NOS1AP: variants seen among roughly 807,000 people sequenced by gnomAD.
The protein encoded by NOS1AP is carboxyl-terminal PDZ ligand of neuronal nitric oxide synthase protein.
NOS1AP carries 21 observed loss-of-function variants against 56.2 expected under a neutral mutation model. That is an observed-to-expected ratio of 0.37 (90% CI 0.26 to 0.54). NOS1AP has a LOEUF of 0.54. NOS1AP is among the 20% of genes least tolerant of loss of function. The probability of loss-of-function intolerance (pLI) is 0.84; values close to 1 mark genes in which losing one functional copy is unlikely to be tolerated. For synonymous variants in NOS1AP, 270 were observed against 274.6 expected, an observed-to-expected ratio of 0.98 and a Z score of 0.17; for missense variants, 522 against 657.8, an observed-to-expected ratio of 0.79 and a Z score of 2.26.
intron 8 of NOS1AP, chr1:162,360,765 C>T (rs1404553818): frequency 4.4e-6 from 2 of 455,730 alleles, no homozygotes; most frequent in Non-Finnish European, 8.8e-6. Context: ...AAGTCCCTGC[C>T]ATGTGCATGC....
intron 1 of NOS1AP, among the ~76,000 whole-genome samples, chr1:162,100,456 C>T (rs1412838964): frequency 6.6e-6 from 1 of 152,136 alleles, no homozygotes; most frequent in African/African-American, 2.4e-5. Flanking sequence ...TGTTCATATC[C>T]CTCACCCACT....
intron 2 of NOS1AP, among the ~76,000 whole-genome samples, chr1:162,164,690 G>C (rs1239763435): frequency 6.6e-6 from 1 of 152,162 alleles, no homozygotes; most frequent in African/African-American, 2.4e-5. Context: ...TGTATCAAAA[G>C]TTTATTCCTT....
chr1:162,326,108 AAAG>A (rs1396818742), intron 4 of NOS1AP, among the ~76,000 whole-genome samples: 8 of 152,350 alleles, frequency 5.3e-5, no homozygotes, highest in South Asian at 4.1e-4. Context: ...AACGATTAAA[AAAG>A]AAGAAGGTTG....
Position 162,287,375 on chromosome 1 carries a change from A to C in NOS1AP, c.209A>C (p.Lys70Thr). The change falls in exon 3 of 10, where the codon AAG becomes ACG. Residue 70 changes from lysine to threonine, a missense_variant. By Grantham distance (78) the Lys-to-Thr change is moderately conservative. Around this residue, in one of 4 missense-constraint regions of NOS1AP, gnomAD observed 132 missense variants for 218.1 expected, o/e 0.61. Coordinates refer to ENST00000361897, the MANE Select transcript of NOS1AP (RefSeq NM_014697.3). Reference protein sequence around the residue: ...YEFKAKNIKKKKVSIMVSVDG... With the variant: ...YEFKAKNIKKTKVSIMVSVDG... ...TTTAAAGCCAAGAACATCAAGAAGA[A>C]GAAAGTGAGCATTATGGTTTCAGTG... The C allele has an allele frequency of 6.2e-7, 1 of 1,613,452 alleles. No individual in the cohort carries two copies. Among genetic ancestry groups the C allele is most frequent in the Non-Finnish European group, 8.5e-7 (1 of 1,179,506 alleles).
intron 2 of NOS1AP, among the ~76,000 whole-genome samples, chr1:162,233,887 C>G (rs936820135): frequency 6.6e-6 from 1 of 152,220 alleles, no homozygotes; most frequent in Non-Finnish European, 1.5e-5. Flanking sequence ...AGATCTGACT[C>G]TGGCACCTTG....
chr1:162,297,642 C>T (rs1263064575), intron 3 of NOS1AP, among the ~76,000 whole-genome samples: 1 of 152,020 alleles, frequency 6.6e-6, no homozygotes, highest in East Asian at 1.9e-4. Context: ...GATTATGGGG[C>T]GTCACCTCTG....
rs41405649 is a variant in NOS1AP, at chr1:162,357,014, T to C, written c.817T>C (p.Ser273Pro). 8 of 1,612,986 alleles carry C rather than the reference T, an allele frequency of 5.0e-6. No homozygotes were observed. The highest frequency in any genetic ancestry group is 3.3e-4 in the Middle Eastern group (2 of 6,082). ...AGCCTCACCCAGGATGCTGCTCCCTTCTTCTTCCTCGAAGCCTCCAGGCCT... is the reference window on the plus strand; with the variant it reads ...AGCCTCACCCAGGATGCTGCTCCCTCCTTCTTCCTCGAAGCCTCCAGGCCT... ...LTASPRMLLP[S>P]SSSKPPGLGT... Residue 273 changes from serine (S) to proline (P), a missense_variant, in exon 8 of 10, where the codon TCT becomes CCT. Physicochemically the swap from Ser to Pro is moderately conservative, Grantham distance 74 (BLOSUM62 -1). Coordinates refer to ENST00000361897, the MANE Select transcript of NOS1AP (RefSeq NM_014697.3).
intron 5 of NOS1AP, chr1:162,342,477 A>T: frequency 4.3e-6 from 2 of 469,592 alleles, no homozygotes; most frequent in South Asian, 3.1e-5. Context: ...TAGAAGTTAT[A>T]CCCAGCAGAG....
intron 5 of NOS1AP, among the ~76,000 whole-genome samples, chr1:162,343,617 T>C (rs1475893407): frequency 6.6e-6 from 1 of 152,272 alleles, no homozygotes; most frequent in African/African-American, 2.4e-5. Context: ...ATATTTGCTA[T>C]CTGTCCTTTC....
At chr1:162,153,515 A>G (rs1344070408) in intron 1 of NOS1AP, among the ~76,000 whole-genome samples, 1 of 152,246 alleles carries the variant, frequency 6.6e-6, no homozygotes, top group East Asian at 1.9e-4. Context: ...AAACTTGGCT[A>G]GATGAAAAGT....
chr1:162,149,237 G>A (rs1246505739), intron 1 of NOS1AP, among the ~76,000 whole-genome samples: 1 of 152,216 alleles, frequency 6.6e-6, no homozygotes, highest in African/African-American at 2.4e-5. Context: ...CAGGGAATTG[G>A]TGTTGCCTGA....
At chr1:162,233,873 T>A (rs1468877767) in intron 2 of NOS1AP, among the ~76,000 whole-genome samples, 1 of 152,214 alleles carries the variant, frequency 6.6e-6, no homozygotes, top group East Asian at 1.9e-4. Flanking sequence ...TACTTTGGGA[T>A]TGGAGATCTG....
At chr1:162,228,642 C>T (rs1363983482) in intron 2 of NOS1AP, among the ~76,000 whole-genome samples, 1 of 152,212 alleles carries the variant, frequency 6.6e-6, no homozygotes, top group Non-Finnish European at 1.5e-5. Flanking sequence ...GACCAGCGCC[C>T]AGCAAGGCTG....
chr1:162,233,331 C>T (rs1031238431), intron 2 of NOS1AP, among the ~76,000 whole-genome samples: 8 of 152,152 alleles, frequency 5.3e-5, no homozygotes, highest in Non-Finnish European at 8.8e-5. Flanking sequence ...TGGTGGCTGG[C>T]GGGGTAGTTG....
intron 2 of NOS1AP, among the ~76,000 whole-genome samples, chr1:162,184,018 C>T (rs997301103): frequency 2.0e-5 from 3 of 152,190 alleles, no homozygotes; most frequent in African/African-American, 7.2e-5. Context: ...CTTCCTTACC[C>T]GGCTTAATCA....
intron 2 of NOS1AP, among the ~76,000 whole-genome samples, chr1:162,273,073 T>C (rs1486553397): frequency 6.6e-6 from 1 of 151,934 alleles, no homozygotes; most frequent in Non-Finnish European, 1.5e-5. Flanking sequence ...GAGGGGACTC[T>C]GTGTCTGGGA....
At chr1:162,311,109 C>T (rs1359326998) in intron 4 of NOS1AP, among the ~76,000 whole-genome samples, 1 of 152,072 alleles carries the variant, frequency 6.6e-6, no homozygotes, top group Non-Finnish European at 1.5e-5. Context: ...TTGTCAGGGC[C>T]ACCATCCTGC....
At chr1:162,246,184 G>A (rs1310670612) in intron 2 of NOS1AP, among the ~76,000 whole-genome samples, 3 of 152,190 alleles carry the variant, frequency 2.0e-5, no homozygotes, top group Non-Finnish European at 2.9e-5. Flanking sequence ...GAGACTTGTT[G>A]TAGAATCCAT....
chr1:162,074,095 C>T (rs994337817), intron 1 of NOS1AP, among the ~76,000 whole-genome samples: 1 of 152,206 alleles, frequency 6.6e-6, no homozygotes, highest in Non-Finnish European at 1.5e-5. Flanking sequence ...TGGACTTCTA[C>T]ATACAAAGAC....
Sources: gnomAD v4.1 joint callset for allele counts (sites outside exome capture counted in the v4.1 genomes callset) on GRCh38, gnomAD v4.1.1 for gene constraint, gnomAD v4.1.1 regional missense constraint, MANE v1.5 for transcripts, NCBI Gene and HGNC (gene_info 2026-07-23, HGNC 2026-07-21) for gene names.